Variants in PIGF observed in about 807,000 individuals in gnomAD.
PIGF encodes phosphatidylinositol glycan anchor biosynthesis class F.
PIGF carries 23 observed loss-of-function variants against 26.0 expected under a neutral mutation model. The observed-to-expected ratio is 0.88, with a 90% CI of 0.64 to 1.25. PIGF has a LOEUF of 1.25. PIGF is among the 50% of genes most tolerant of loss of function. PIGF has a pLI of 0.00. For synonymous variants in PIGF, 93 were observed against 92.6 expected, an observed-to-expected ratio of 1.00 and a Z score of -0.03; for missense variants, 278 against 249.9, an observed-to-expected ratio of 1.11 and a Z score of -0.76.
intron 4 of PIGF, among the ~76,000 whole-genome samples, chr2:46,595,488 AT>A (rs769081728): frequency 6.6e-6 from 1 of 152,180 alleles, no homozygotes; most frequent in African/African-American, 2.4e-5. Flanking sequence ...TCCACATTTT[AT>A]CTATTCAACA....
At chr2:46,610,991 C>T (rs181367555) in intron 4 of PIGF, among the ~76,000 whole-genome samples, 1 of 152,154 alleles carries the variant, frequency 6.6e-6, no homozygotes, top group Admixed American at 6.5e-5. Context: ...GCACGAGGTG[C>T]CTTTCTCTTC....
At chr2:46,607,113 T>C (rs1338449603) in intron 4 of PIGF, among the ~76,000 whole-genome samples, 1 of 152,226 alleles carries the variant, frequency 6.6e-6, no homozygotes, top group Non-Finnish European at 1.5e-5. Flanking sequence ...ATATTTTAAA[T>C]AGATGATGTG....
At chr2:46,614,821 C>G in intron 2 of PIGF, 116 bp downstream of exon 2, 1 of 597,308 alleles carries the variant, frequency 1.7e-6, no homozygotes. Context: ...GGAAAAATAT[C>G]AGGTTCCCTT....
intron 5 of PIGF, among the ~76,000 whole-genome samples, chr2:46,587,576 C>A (rs1669616001): frequency 6.6e-6 from 1 of 152,130 alleles, no homozygotes; most frequent in Admixed American, 6.6e-5. Flanking sequence ...TTCAAAATCT[C>A]CAAATTCAGT....
Position 46,612,352 on chromosome 2 carries a change from A to G in PIGF, c.321-8T>C. 1 of 1,045,272 alleles carries G rather than the reference A, an allele frequency of 9.6e-7. No individual in the cohort carries two copies. Among genetic ancestry groups the G allele is most frequent in the African/African-American group, 1.6e-5 (1 of 61,584 alleles). The allele number at this position is 1,045,272 out of a possible 1,614,324, so 64.7% of individuals were successfully genotyped here. ...AATGTTTCCAATGCCAACCTAGAAA[A>G]AAAAAAAGATTACTTTTTAAAAAAG... On this transcript the variant is annotated splice_region_variant and splice_polypyrimidine_tract_variant and intron_variant, in intron 3 of 5. Coordinates refer to ENST00000281382, the MANE Select transcript of PIGF (RefSeq NM_002643.4).
At chr2:46,585,700 T>G (rs906814714) in intron 5 of PIGF, among the ~76,000 whole-genome samples, 1 of 152,222 alleles carries the variant, frequency 6.6e-6, no homozygotes, top group Non-Finnish European at 1.5e-5. Flanking sequence ...ACCGGCAGTT[T>G]AGAACGAATA....
chr2:46,607,099 T>C lies in PIGF; in HGVS notation c.437+5129A>G, dbSNP rs115336350. ...TTGGTGGTTGCAAAAAGTCATTGAA[T>C]TGTATATTTTAAATAGATGATGTGT... On this transcript the variant is annotated intron_variant, in intron 4 of 5. Coordinates refer to ENST00000281382, the MANE Select transcript of PIGF (RefSeq NM_002643.4). Among the ~76,000 whole-genome samples the C allele has an allele frequency of 5.6e-3, 851 of 152,312 alleles. 1 individual carries two copies. The highest frequency in any genetic ancestry group is 8.7e-3 in the Non-Finnish European group (589 of 68,026).
chr2:46,597,636 T>A (rs1413258756), intron 4 of PIGF, among the ~76,000 whole-genome samples: 1 of 152,162 alleles, frequency 6.6e-6, no homozygotes, highest in Non-Finnish European at 1.5e-5. Context: ...GGTCTCGAAC[T>A]CCTGACCTCA....
intron 4 of PIGF, among the ~76,000 whole-genome samples, chr2:46,601,777 C>T (rs1407698332): frequency 6.6e-6 from 1 of 151,864 alleles, no homozygotes; most frequent in East Asian, 1.9e-4. Context: ...ACAAAGATGA[C>T]AAAAAGAGGC....
chr2:46,581,095 A>T lies in PIGF; in HGVS notation c.*383T>A. On this transcript the variant is annotated 3_prime_UTR_variant, in exon 6 of 6. Transcript: ENST00000281382. ...GTTTAATTACGTGAGAAACATCTTC[A>T]GTGGCCAAGGAAACTGTCCATTTCT... is the stretch of plus-strand genomic sequence containing the variant. 6.7e-7 allele frequency: 1 copy of T among 1,493,788 alleles called. No individual in the cohort carries two copies. The highest frequency in any genetic ancestry group is 2.4e-5 in the Admixed American group (1 of 42,486). 92.5% of individuals were successfully genotyped at this position (1,493,788 alleles called of 1,614,324 possible). A position where few individuals can be genotyped will look rare whatever the true frequency, so the allele number is the denominator to read the frequency against.
At chr2:46,594,751 G>A (rs1040063713) in intron 4 of PIGF, among the ~76,000 whole-genome samples, 1 of 151,760 alleles carries the variant, frequency 6.6e-6, no homozygotes, top group African/African-American at 2.4e-5. Flanking sequence ...GGCCAGGCTG[G>A]TCTCGAACTC....
At position 46,611,212 on chromosome 2, in the gene PIGF, G is replaced by C. The variant is rs552149783; in HGVS notation, c.437+1016C>G. On this transcript the variant is annotated intron_variant, in intron 4 of 5. Coordinates refer to ENST00000281382, the MANE Select transcript of PIGF (RefSeq NM_002643.4). ...CAAAAGAATCCTCCTAATAAGGCCG[G>C]GTGTGGTGGCTCATACCTGTAATCC... Among the ~76,000 whole-genome samples the C allele has an allele frequency of 2.0e-5, 3 of 152,192 alleles. No homozygotes were observed. The East Asian group carries it at 5.8e-4, about 29-fold the overall frequency.
intron 4 of PIGF, among the ~76,000 whole-genome samples, chr2:46,610,496 G>A (rs1210366122): frequency 6.7e-6 from 1 of 149,720 alleles, no homozygotes; most frequent in Non-Finnish European, 1.5e-5. Context: ...AATATTAGAA[G>A]ACGGTTCCAA....
At chr2:46,600,836 G>C (rs975953938) in intron 4 of PIGF, among the ~76,000 whole-genome samples, 1 of 151,938 alleles carries the variant, frequency 6.6e-6, no homozygotes, top group Non-Finnish European at 1.5e-5. Flanking sequence ...CACACACACA[G>C]ATAACGATGT....
At chr2:46,594,628 C>A (rs556155790) in intron 4 of PIGF, among the ~76,000 whole-genome samples, 1 of 151,560 alleles carries the variant, frequency 6.6e-6, no homozygotes, top group Admixed American at 6.6e-5. Flanking sequence ...CTCCACCTCC[C>A]GGGTTCAAGC....
At chr2:46,586,577 G>T (rs905246311) in intron 5 of PIGF, among the ~76,000 whole-genome samples, 6 of 152,058 alleles carry the variant, frequency 3.9e-5, no homozygotes, top group Admixed American at 6.5e-5. Flanking sequence ...TGTCTCTCTC[G>T]AGATAAAAAG....
chr2:46,583,032 T>C (rs575480660), intron 5 of PIGF: 17 of 152,316 alleles, frequency 1.1e-4, no homozygotes, highest in Admixed American at 9.8e-4. Flanking sequence ...TTGAAAGGAA[T>C]TGTATAAATC....
At chr2:46,594,323 A>G (rs1427942089) in intron 4 of PIGF, among the ~76,000 whole-genome samples, 2 of 152,226 alleles carry the variant, frequency 1.3e-5, no homozygotes, top group East Asian at 3.8e-4. Flanking sequence ...AGAGGTTGAG[A>G]GCAGAGATTA....
chr2:46,613,949 C>T, intron 2 of PIGF, 164 bp from the exon 3 acceptor site: 2 of 593,340 alleles, frequency 3.4e-6, no homozygotes, highest in East Asian at 3.2e-5. Context: ...GTCACATACA[C>T]AGCCTTCGAT....
Sources: gnomAD v4.1 joint callset for allele counts (sites outside exome capture counted in the v4.1 genomes callset) on GRCh38, gnomAD v4.1.1 for gene constraint, MANE v1.5 for transcripts, NCBI Gene and HGNC (gene_info 2026-07-23, HGNC 2026-07-21) for gene names.